STK3: variants seen among roughly 807,000 people sequenced by gnomAD.
STK3 encodes the protein serine/threonine-protein kinase 3.
In STK3, 41 loss-of-function variants were observed where a neutral mutation model predicts 58.0. That is an observed-to-expected ratio of 0.71 (90% CI 0.55 to 0.92). The LOEUF (loss-of-function observed/expected upper bound fraction) is 0.92, where lower values mean the gene tolerates loss of function less well. Ranked by LOEUF, STK3 falls within the 40% of genes least tolerant of loss-of-function variation. STK3 has a pLI of 0.00. For missense variants in STK3, 479 were observed against 602.7 expected (o/e 0.79, Z 2.15); for synonymous variants, 170 against 191.0 (o/e 0.89, Z 0.91).
At chr8:98,750,613 C>T (rs1411712902) in intron 3 of STK3, among the ~76,000 whole-genome samples, 1 of 150,566 alleles carries the variant, frequency 6.6e-6, no homozygotes, top group Non-Finnish European at 1.5e-5. Flanking sequence ...AACAGCCTAC[C>T]ATCCAAAAAA....
the STK3 span, among the ~76,000 whole-genome samples, chr8:98,350,609 C>T: frequency 2.0e-5 from 3 of 152,340 alleles, no homozygotes; most frequent in East Asian, 3.9e-4. Context: ...GTTTAATGGA[C>T]TCACAGTTCC....
At chr8:98,388,542 C>G (rs768381185), upstream of STK3, among the ~76,000 whole-genome samples, 2 of 152,154 alleles carry the variant, frequency 1.3e-5, no homozygotes, top group Non-Finnish European at 2.9e-5. Flanking sequence ...AATCAAGCCC[C>G]AAGATCTAAT....
rs180785318 is a variant in STK3, at chr8:98,716,827, T to C, written c.352-9516A>G. Reference sequence around the variant, plus strand: ...TGATATTGGCATAAACACAGACAGATAGATGGGAGGAACAGAGTAGAAAAC... The same window carrying C: ...TGATATTGGCATAAACACAGACAGACAGATGGGAGGAACAGAGTAGAAAAC... On this transcript the variant is annotated intron_variant, in intron 4 of 10. Coordinates refer to ENST00000419617, the MANE Select transcript of STK3 (RefSeq NM_006281.4). Among the ~76,000 whole-genome samples the C allele has an allele frequency of 5.5e-4, 84 of 152,128 alleles. 1 individual carries two copies. Among genetic ancestry groups the C allele is most frequent in the African/African-American group, 1.8e-3 (74 of 41,526 alleles).
chr8:98,585,514 T>C (rs1359244783), intron 7 of STK3, among the ~76,000 whole-genome samples: 1 of 150,712 alleles, frequency 6.6e-6, no homozygotes, highest in Admixed American at 6.6e-5. Flanking sequence ...TAGTATAGTT[T>C]GAAGTCAGGT....
At chr8:98,705,815 AG>A (rs985963381) in intron 6 of STK3, among the ~76,000 whole-genome samples, 17 of 152,310 alleles carry the variant, frequency 1.1e-4, no homozygotes, top group African/African-American at 3.6e-4. Context: ...AAACCTAAAA[AG>A]TATATCATCA....
chr8:98,346,650 T>C, the STK3 span, among the ~76,000 whole-genome samples: 1 of 151,810 alleles, frequency 6.6e-6, no homozygotes, highest in Non-Finnish European at 1.5e-5. Flanking sequence ...AGATTTCTCC[T>C]TGGGAGAAAT....
In STK3 at chr8:98,909,405, T is replaced by G. The variant is rs574693808; in HGVS notation, c.-78-25571A>C. 2.0e-5 allele frequency among the ~76,000 whole-genome samples: 3 copies of G among 152,320 alleles called. No individual in the cohort carries two copies. In the South Asian group the frequency reaches 6.2e-4, roughly 32 times the overall value. Reference sequence around the variant, plus strand: ...ACGTAAAGTGTACAATCCAATGTTTTTTAGTATATTCACAGATATATGTAA... The same window carrying G: ...ACGTAAAGTGTACAATCCAATGTTTGTTAGTATATTCACAGATATATGTAA... On this transcript the variant is annotated intron_variant, in intron 1 of 1. Transcript: ENST00000519420.
intron 4 of STK3, among the ~76,000 whole-genome samples, chr8:98,740,212 G>T (rs1829070333): frequency 6.6e-6 from 1 of 152,080 alleles, no homozygotes; most frequent in Non-Finnish European, 1.5e-5. Flanking sequence ...TAGCAAGGCA[G>T]GCCAACATTC....
chr8:98,883,461 C>A, downstream of STK3: 1 of 546,162 alleles, frequency 1.8e-6, no homozygotes. Flanking sequence ...CTCTCTTGGG[C>A]TAAAATATCT....
chr8:98,784,029 A>T (rs1247826262), intron 1 of STK3, among the ~76,000 whole-genome samples: 2 of 152,178 alleles, frequency 1.3e-5, no homozygotes, highest in African/African-American at 4.8e-5. Context: ...TCTGTGACTC[A>T]CTTTTCCACT....
intron 3 of STK3, among the ~76,000 whole-genome samples, chr8:98,874,683 G>A (rs1471087171): frequency 6.6e-6 from 1 of 151,980 alleles, no homozygotes; most frequent in Non-Finnish European, 1.5e-5. Flanking sequence ...CTGGAGGGTA[G>A]TGGTGAGATC....
chr8:98,530,406 C>T (rs950327559), intron 9 of STK3, among the ~76,000 whole-genome samples: 5 of 152,054 alleles, frequency 3.3e-5, no homozygotes, highest in African/African-American at 9.7e-5. Context: ...TGAGAACATG[C>T]GGTATTTGGT....
chr8:98,889,548 A>C (rs1015569735), intron 1 of STK3, among the ~76,000 whole-genome samples: 2 of 152,246 alleles, frequency 1.3e-5, no homozygotes, highest in Non-Finnish European at 2.9e-5. Context: ...GAGTTGACTC[A>C]GCTCATTTCA....
intron 1 of STK3, among the ~76,000 whole-genome samples, chr8:98,903,556 CCTTTTTT>C (rs1235594019): frequency 7.9e-5 from 4 of 50,502 alleles, no homozygotes; most frequent in Non-Finnish European, 1.2e-4. Flanking sequence ...TCTTCTTCTT[CCTTTTTT>C]TTTTTTTAAG....
chr8:98,562,215 A>G (rs867178476), intron 8 of STK3, among the ~76,000 whole-genome samples: 2 of 152,292 alleles, frequency 1.3e-5, no homozygotes, highest in Middle Eastern at 6.8e-3. Context: ...ATGAATGTAT[A>G]CAGCAGCTTT....
At chr8:98,834,932 G>C (rs370601307) in intron 3 of STK3, among the ~76,000 whole-genome samples, 4 of 152,352 alleles carry the variant, frequency 2.6e-5, no homozygotes, top group African/African-American at 9.6e-5. Context: ...AAGGAAAAAA[G>C]AAGAGGCAAT....
At chr8:98,579,604 C>G in intron 8 of STK3, 60 bp downstream of exon 8, 1 of 1,556,258 alleles carries the variant, frequency 6.4e-7, no homozygotes, top group Non-Finnish European at 8.7e-7. Flanking sequence ...TATATTTTAA[C>G]AGAATTACAG....
chr8:98,350,050 T>C, the STK3 span, among the ~76,000 whole-genome samples: 2 of 152,196 alleles, frequency 1.3e-5, no homozygotes, highest in Non-Finnish European at 2.9e-5. Flanking sequence ...TTCTTTTCTA[T>C]TGCATTGTCA....
intron 8 of STK3, among the ~76,000 whole-genome samples, chr8:98,552,038 C>T (rs952042793): frequency 1.3e-5 from 2 of 151,952 alleles, no homozygotes; most frequent in African/African-American, 4.8e-5. Flanking sequence ...ATTTCTTAGC[C>T]CATTATTCTA....
Sources: gnomAD v4.1 joint callset for allele counts (sites outside exome capture counted in the v4.1 genomes callset) on GRCh38, gnomAD v4.1.1 for gene constraint, MANE v1.5 for transcripts, NCBI Gene and HGNC (gene_info 2026-07-23, HGNC 2026-07-21) for gene names.